Variants in ATP1A1 observed in about 807,000 individuals in gnomAD.
ATP1A1 encodes the protein sodium/potassium-transporting ATPase subunit alpha-1.
In ATP1A1, 14 loss-of-function variants were observed where a neutral mutation model predicts 114.8. The ratio of observed to expected loss-of-function variants is 0.12; its 90% CI spans 0.08 to 0.19. The LOEUF (loss-of-function observed/expected upper bound fraction) is 0.19. ATP1A1 is among the 10% of genes least tolerant of loss of function. The pLI, the probability that ATP1A1 is intolerant of heterozygous loss-of-function variation, is 1.00. For synonymous variants in ATP1A1, 471 were observed against 466.3 expected (o/e 1.01, Z -0.13); for missense variants, 524 against 1,290.7 (o/e 0.41, Z 9.10).
chr1:116,404,064 C>A lies in ATP1A1; in HGVS notation c.3043+89C>A. 7.7e-7 allele frequency: 1 copy of A among 1,292,720 alleles called. No homozygotes were observed. The highest frequency in any genetic ancestry group is 1.3e-5 in the South Asian group (1 of 75,456). The allele number at this position is 1,292,720 out of a possible 1,614,324, so 80.1% of individuals were successfully genotyped here. A position where few individuals can be genotyped will look rare whatever the true frequency, so the allele number is the denominator to read the frequency against. On this transcript the variant is annotated intron_variant, in intron 22 of 22. Coordinates refer to ENST00000295598, the MANE Select transcript of ATP1A1 (RefSeq NM_000701.8). The surrounding 1 kb of genome is among the most constrained non-coding windows in gnomAD (Gnocchi z 4.8). The stretch of plus-strand genomic sequence containing the variant: ...TTTTGTTTCCCTCAAGGTGTCTAGG[C>A]TCCCTCAGTGGTCAGTCTGATTAGC...
Position 116,373,795 on chromosome 1 carries a change from G to A in ATP1A1, c.12+272G>A, listed in dbSNP as rs368964935. The A allele has an allele frequency of 1.1e-5, 14 of 1,228,862 alleles. No individual in the cohort carries two copies. In the African/African-American group the frequency reaches 1.6e-4, roughly 14 times the overall value. The allele number at this position is 1,228,862 out of a possible 1,614,324, so 76.1% of individuals were successfully genotyped here. On this transcript the variant is annotated intron_variant, in intron 1 of 22. Coordinates refer to ENST00000295598, the MANE Select transcript of ATP1A1 (RefSeq NM_000701.8). ...ACCCTGGGCGGGGGCTGCGCGCCCC[G>A]GAGGCCGAGCGGGCCGGGGGCTCCG...
chr1:116,377,917 C>G (rs1426431393), intron 1 of ATP1A1, among the ~76,000 whole-genome samples: 1 of 152,070 alleles, frequency 6.6e-6, no homozygotes, highest in Non-Finnish European at 1.5e-5. Flanking sequence ...ACTGTAAAAC[C>G]TACTCACTCA....
chr1:116,373,675 G>A (rs541608667), intron 1 of ATP1A1, 152 bp downstream of exon 1: 3 of 1,019,966 alleles, frequency 2.9e-6, no homozygotes, highest in Non-Finnish European at 3.8e-6. Context: ...CTTAAAAGAC[G>A]ACGCAGTTTG....
chr1:116,399,547 A>G lies in ATP1A1; in HGVS notation c.2572+4A>G. 1 of 1,613,998 alleles carries G rather than the reference A, an allele frequency of 6.2e-7. No individual in the cohort carries two copies. The highest frequency in any genetic ancestry group is 8.5e-7 in the Non-Finnish European group (1 of 1,179,966). The stretch of plus-strand genomic sequence containing the variant: ...AGCATGGCCTATGGGCAGATTGGTA[A>G]GCTGCAGCCTGGAGTGGGAAGCTGG... On this transcript the variant is annotated splice_donor_region_variant and intron_variant, in intron 18 of 22. Coordinates refer to ENST00000295598, the MANE Select transcript of ATP1A1 (RefSeq NM_000701.8). This position sits in a 1 kb window ranked among gnomAD's most constrained non-coding sequence, Gnocchi z 5.0.
In ATP1A1 at chr1:116,384,159, A is replaced by T; in HGVS notation, c.123+35A>T. The T allele has an allele frequency of 6.4e-7, 1 of 1,559,906 alleles. No individual in the cohort carries two copies. Among genetic ancestry groups the T allele is most frequent in the African/African-American group, 1.4e-5 (1 of 73,474 alleles). On this transcript the variant is annotated intron_variant, in intron 2 of 22. Transcript: ENST00000295598. The surrounding 1 kb of genome is among the most constrained non-coding windows in gnomAD (Gnocchi z 5.1). Reference sequence around the variant, plus strand: ...AGGAGGAATATTGTATTCCATCCTTATTAAAAATCCATGATTTTTAATCCC... The same window carrying T: ...AGGAGGAATATTGTATTCCATCCTTTTTAAAAATCCATGATTTTTAATCCC...
chr1:116,395,430 C>A lies in ATP1A1; in HGVS notation c.1836+145C>A. 1 of 886,686 alleles carries A rather than the reference C, an allele frequency of 1.1e-6. No homozygotes were observed. The highest frequency in any genetic ancestry group is 1.6e-6 in the Non-Finnish European group (1 of 627,184). 54.9% of individuals were successfully genotyped at this position (886,686 alleles called of 1,614,324 possible). A position where few individuals can be genotyped will look rare whatever the true frequency, so the allele number is the denominator to read the frequency against. On this transcript the variant is annotated intron_variant, in intron 13 of 22. Coordinates refer to ENST00000295598, the MANE Select transcript of ATP1A1 (RefSeq NM_000701.8). The surrounding 1 kb of genome is among the most constrained non-coding windows in gnomAD (Gnocchi z 6.4). ...CTCATCTCCAAAGCTTTACTTCCAC[C>A]CAGAAAAGACCAGATAGTATTAAAA...
chr1:116,396,872 C>T (rs1477179846), intron 14 of ATP1A1, 138 bp downstream of exon 14: 2 of 1,069,062 alleles, frequency 1.9e-6, no homozygotes, highest in African/African-American at 3.3e-5. Context: ...CAGAAAGCAA[C>T]CTTGTCATTC....
At position 116,387,940 on chromosome 1, in the gene ATP1A1, G is replaced by A. The variant is rs78173117; in HGVS notation, c.388-191G>A. Reference sequence around the variant, plus strand: ...AACGTCCAGTTAGTGATCAAGTGTTGGTGTGCCTGACTCCATTTCTGACCC... The same window carrying A: ...AACGTCCAGTTAGTGATCAAGTGTTAGTGTGCCTGACTCCATTTCTGACCC... On this transcript the variant is annotated intron_variant, in intron 4 of 22. Transcript: ENST00000295598. The surrounding 1 kb of genome is among the most constrained non-coding windows in gnomAD (Gnocchi z 6.7). Among the ~76,000 whole-genome samples, 1,382 of 152,242 alleles carry A rather than the reference G, an allele frequency of 9.1e-3. 26 individuals are homozygous for A. The highest frequency in any genetic ancestry group is 0.032 in the African/African-American group (1,317 of 41,526).
At chr1:116,400,104 G>A (rs1258299099) in intron 18 of ATP1A1, among the ~76,000 whole-genome samples, 1 of 152,216 alleles carries the variant, frequency 6.6e-6, no homozygotes, top group African/African-American at 2.4e-5. Context: ...TAAATCCTCT[G>A]CCTAGGGTTC....
chr1:116,382,668 A>G (rs971991672), intron 1 of ATP1A1: 3 of 151,312 alleles, frequency 2.0e-5, no homozygotes, highest in African/African-American at 4.9e-5. Context: ...TCTTAAGAGG[A>G]TATTTTTAAA....
Position 116,395,368 on chromosome 1 carries a change from A to T in ATP1A1, c.1836+83A>T. 1.4e-6 allele frequency: 2 copies of T among 1,472,502 alleles called. No homozygotes were observed. The highest frequency in any genetic ancestry group is 1.8e-6 in the Non-Finnish European group (2 of 1,087,506). The allele number at this position is 1,472,502 out of a possible 1,614,324, so 91.2% of individuals were successfully genotyped here. A position where few individuals can be genotyped will look rare whatever the true frequency, so the allele number is the denominator to read the frequency against. Reference sequence around the variant, plus strand: ...GTGAATGTTGCCTTTTGAGGTCCAGATGGCCAGCTGTTCTATCTCACCTGG... The same window carrying T: ...GTGAATGTTGCCTTTTGAGGTCCAGTTGGCCAGCTGTTCTATCTCACCTGG... On this transcript the variant is annotated intron_variant, in intron 13 of 22. Coordinates refer to ENST00000295598, the MANE Select transcript of ATP1A1 (RefSeq NM_000701.8). This position sits in a 1 kb window ranked among gnomAD's most constrained non-coding sequence, Gnocchi z 6.4.
At position 116,387,969 on chromosome 1, in the gene ATP1A1, CTG is replaced by C. The variant is rs1420060598; in HGVS notation, c.388-157_388-156del. On this transcript the variant is annotated intron_variant, in intron 4 of 22. Transcript: ENST00000295598. This position sits in a 1 kb window ranked among gnomAD's most constrained non-coding sequence, Gnocchi z 6.7. The stretch of plus-strand genomic sequence containing the variant: ...TGCCTGACTCCATTTCTGACCCTTC[CTG>C]TGTGGTCTTTAGAAGGATAAATAAG... Among the ~76,000 whole-genome samples the C allele has an allele frequency of 4.6e-5, 7 of 152,222 alleles. No individual in the cohort carries two copies. The highest frequency in any genetic ancestry group is 2.1e-4 in the South Asian group (1 of 4,834).
In ATP1A1 at chr1:116,388,445, C is replaced by G; in HGVS notation, c.502-193C>G. The G allele has an allele frequency of 2.1e-6, 2 of 959,766 alleles. No individual in the cohort carries two copies. The highest frequency in any genetic ancestry group is 3.0e-6 in the Non-Finnish European group (2 of 658,664). 59.5% of individuals were successfully genotyped at this position (959,766 alleles called of 1,614,324 possible). A position where few individuals can be genotyped will look rare whatever the true frequency, so the allele number is the denominator to read the frequency against. ...TTCTTTTGAATGTAAACTCTGAATA[C>G]AGGCACACCATGTAACAGCAATATC... is the stretch of plus-strand genomic sequence containing the variant. On this transcript the variant is annotated intron_variant, in intron 5 of 22. Coordinates refer to ENST00000295598, the MANE Select transcript of ATP1A1 (RefSeq NM_000701.8). This position sits in a 1 kb window ranked among gnomAD's most constrained non-coding sequence, Gnocchi z 5.6.
At chr1:116,403,252 CA>C (rs1653670823) in intron 21 of ATP1A1, among the ~76,000 whole-genome samples, 1 of 152,200 alleles carries the variant, frequency 6.6e-6, no homozygotes, top group African/African-American at 2.4e-5. Flanking sequence ...CAGCCTTTCT[CA>C]CACCATAGCA....
Position 116,381,814 on chromosome 1 carries a change from A to G in ATP1A1, c.13-2200A>G, listed in dbSNP as rs1651760525. Among the ~76,000 whole-genome samples the G allele has an allele frequency of 1.3e-5, 2 of 152,218 alleles. No homozygotes were observed. The highest frequency in any genetic ancestry group is 6.5e-5 in the Admixed American group (1 of 15,282). On this transcript the variant is annotated intron_variant, in intron 1 of 22. Coordinates refer to ENST00000295598, the MANE Select transcript of ATP1A1 (RefSeq NM_000701.8). The surrounding 1 kb of genome is among the most constrained non-coding windows in gnomAD (Gnocchi z 5.1). ...ATTATGAAGCTGAGGGGTTATAACT[A>G]TTTCATTTATTGAAATATATTTCAA...
chr1:116,388,488 A>G lies in ATP1A1; in HGVS notation c.502-150A>G. 1 of 1,196,470 alleles carries G rather than the reference A, an allele frequency of 8.4e-7. No homozygotes were observed. The highest frequency in any genetic ancestry group is 1.6e-5 in the South Asian group (1 of 63,592). 74.1% of individuals were successfully genotyped at this position (1,196,470 alleles called of 1,614,324 possible). A position where few individuals can be genotyped will look rare whatever the true frequency, so the allele number is the denominator to read the frequency against. Reference sequence around the variant, plus strand: ...GCAATATCTCTTAAACTGGCGAGCAAGCTTTTGTAACTTGTGTAAATAAAA... The same window carrying G: ...GCAATATCTCTTAAACTGGCGAGCAGGCTTTTGTAACTTGTGTAAATAAAA... On this transcript the variant is annotated intron_variant, in intron 5 of 22. Transcript: ENST00000295598. The surrounding 1 kb of genome is among the most constrained non-coding windows in gnomAD (Gnocchi z 5.6).
chr1:116,389,049 G>T lies in ATP1A1; in HGVS notation c.754+30G>T, dbSNP rs1652276953. 6.4e-7 allele frequency: 1 copy of T among 1,570,800 alleles called. No homozygotes were observed. The highest frequency in any genetic ancestry group is 1.1e-5 in the South Asian group (1 of 90,056). On this transcript the variant is annotated intron_variant, in intron 7 of 22. Transcript: ENST00000295598. The surrounding 1 kb of genome is among the most constrained non-coding windows in gnomAD (Gnocchi z 6.9). ...GCCATTTTTGGGCACTTTGAGCATG[G>T]CGTGGTATTTCTCTTGGGCATTAAC...
At chr1:116,390,525 C>G in intron 9 of ATP1A1, 114 bp downstream of exon 9, 3 of 947,840 alleles carry the variant, frequency 3.2e-6, no homozygotes, top group African/African-American at 4.7e-5. Context: ...GCAGCTTTTT[C>G]TTTCTTTTTT....
At chr1:116,379,266 A>C (rs1009606236) in intron 1 of ATP1A1, among the ~76,000 whole-genome samples, 3 of 152,176 alleles carry the variant, frequency 2.0e-5, no homozygotes, top group African/African-American at 7.2e-5. Context: ...CTGGGCTCAC[A>C]AAGGGATCTA....
Sources: allele counts gnomAD v4.1 joint callset (sites outside exome capture counted in the v4.1 genomes callset), GRCh38; gene constraint gnomAD v4.1.1; non-coding constraint Gnocchi (gnomAD v3.1); transcripts MANE v1.5; gene names NCBI Gene and HGNC (gene_info 2026-07-23, HGNC 2026-07-21).